Variants in GRM5 observed in about 807,000 individuals in gnomAD.
GRM5 encodes the protein metabotropic glutamate receptor 5.
A neutral mutation model predicts 83.1 loss-of-function variants in GRM5; 19 were observed. The ratio of observed to expected loss-of-function variants is 0.23; its 90% CI spans 0.16 to 0.34. The LOEUF (loss-of-function observed/expected upper bound fraction) is 0.34. Ranked by LOEUF, GRM5 falls within the 10% of genes least tolerant of loss-of-function variation. The probability of loss-of-function intolerance (pLI) is 1.00; values close to 1 mark genes in which losing one functional copy is unlikely to be tolerated. For missense variants in GRM5, 1,160 were observed against 1,588.3 expected, an observed-to-expected ratio of 0.73 and a Z score of 4.58; for synonymous variants, 675 against 633.6, an observed-to-expected ratio of 1.07 and a Z score of -0.98.
intron 3 of GRM5, among the ~76,000 whole-genome samples, chr11:88,744,564 T>C (rs1367218635): frequency 6.6e-6 from 1 of 152,126 alleles, no homozygotes; most frequent in Non-Finnish European, 1.5e-5. Flanking sequence ...ACACCCCACC[T>C]TTCAATCCCT....
Position 88,505,848 on chromosome 11 carries a change from G to A in GRM5, c.*2744C>T, listed in dbSNP as rs1941170525. ...CAGATTGTTTTGAAGGAAATTCAATGAGAATGTACCCAAATGAATTGTGAA... is the reference window on the plus strand; with the variant it reads ...CAGATTGTTTTGAAGGAAATTCAATAAGAATGTACCCAAATGAATTGTGAA... On this transcript the variant is annotated 3_prime_UTR_variant, in exon 10 of 10. Coordinates refer to ENST00000305447, the MANE Select transcript of GRM5 (RefSeq NM_001143831.3). The A allele has an allele frequency of 6.6e-6, 1 of 152,202 alleles. No homozygotes were observed. The highest frequency in any genetic ancestry group is 2.1e-4 in the South Asian group (1 of 4,832). The allele number at this position is 152,202 out of a possible 1,614,324, so 9.4% of individuals were successfully genotyped here. A position where few individuals can be genotyped will look rare whatever the true frequency, so the allele number is the denominator to read the frequency against.
chr11:88,949,719 A>G (rs529276971), intron 2 of GRM5, among the ~76,000 whole-genome samples: 1 of 152,362 alleles, frequency 6.6e-6, no homozygotes, highest in East Asian at 1.9e-4. Context: ...TGAATGCATA[A>G]AAAGTGTTAT....
intron 2 of GRM5, chr11:88,984,756 T>C (rs766664825): frequency 2.8e-5 from 20 of 724,380 alleles, no homozygotes; most frequent in Non-Finnish European, 4.6e-5. Context: ...AAGGTATTTA[T>C]TTGAATTACA....
At chr11:89,028,893 C>CCGT (rs1941193420) in intron 2 of GRM5, among the ~76,000 whole-genome samples, 1 of 152,076 alleles carries the variant, frequency 6.6e-6, no homozygotes, top group South Asian at 2.1e-4. Context: ...ACCCGTCAAC[C>CCGT]CGTCATCTAC....
At chr11:88,811,270 CATTTTGATAG>C (rs1289927883) in intron 3 of GRM5, among the ~76,000 whole-genome samples, 4 of 151,958 alleles carry the variant, frequency 2.6e-5, no homozygotes, top group Admixed American at 6.6e-5. Flanking sequence ...ATTCTGAACA[CATTTTGATAG>C]ACTTTGTGAC....
chr11:88,626,101 T>C (rs1202309701), intron 4 of GRM5, among the ~76,000 whole-genome samples: 2 of 152,178 alleles, frequency 1.3e-5, no homozygotes, highest in African/African-American at 2.4e-5. Flanking sequence ...ATTTTGTAAA[T>C]TGAGAGCAGC....
At chr11:88,936,719 G>A (rs561640733) in intron 2 of GRM5, among the ~76,000 whole-genome samples, 14 of 151,768 alleles carry the variant, frequency 9.2e-5, no homozygotes, top group African/African-American at 2.9e-4. Flanking sequence ...CATTATGAAC[G>A]TTAATAAAAA....
chr11:88,656,360 T>A (rs1220305971), intron 3 of GRM5, among the ~76,000 whole-genome samples: 1 of 152,134 alleles, frequency 6.6e-6, no homozygotes. Flanking sequence ...CAGTTGATCA[T>A]CATTATTTAC....
intron 3 of GRM5, among the ~76,000 whole-genome samples, chr11:88,834,702 G>A (rs1821311841): frequency 6.6e-6 from 1 of 152,146 alleles, no homozygotes; most frequent in South Asian, 2.1e-4. Context: ...GCATGTTTAA[G>A]CCTCATAGAA....
chr11:88,758,133 G>A (rs1942436236), intron 3 of GRM5, among the ~76,000 whole-genome samples: 1 of 152,174 alleles, frequency 6.6e-6, no homozygotes, highest in African/African-American at 2.4e-5. Flanking sequence ...CTACAAAGAT[G>A]AGAAAGAACA....
chr11:88,852,583 A>G (rs1763937831), intron 2 of GRM5, among the ~76,000 whole-genome samples: 1 of 152,108 alleles, frequency 6.6e-6, no homozygotes, highest in African/African-American at 2.4e-5. Context: ...TCCCAGAGCA[A>G]ATCCCAAGCT....
chr11:88,964,414 T>G (rs539984462), intron 2 of GRM5, among the ~76,000 whole-genome samples: 1 of 152,236 alleles, frequency 6.6e-6, no homozygotes, highest in East Asian at 1.9e-4. Context: ...AAAACTATTT[T>G]AAATTCTATA....
At chr11:88,953,072 C>T (rs1036432886) in intron 2 of GRM5, among the ~76,000 whole-genome samples, 1 of 151,992 alleles carries the variant, frequency 6.6e-6, no homozygotes, top group East Asian at 1.9e-4. Flanking sequence ...TCTGAATTAC[C>T]TTCATTTATC....
At chr11:88,891,907 C>T (rs1359128032) in intron 2 of GRM5, among the ~76,000 whole-genome samples, 3 of 151,980 alleles carry the variant, frequency 2.0e-5, no homozygotes, top group Non-Finnish European at 4.4e-5. Context: ...ATGGATTGTG[C>T]TCAGAAAGCT....
chr11:88,920,429 C>CAAA (rs1565292448), intron 2 of GRM5, among the ~76,000 whole-genome samples: 5 of 1,428 alleles, frequency 3.5e-3, no homozygotes, highest in Admixed American at 8.9e-3. Flanking sequence ...AAAAAAAAAA[C>CAAA]CAAAAAAAAA....
chr11:88,969,752 A>G (rs181797788), intron 2 of GRM5, among the ~76,000 whole-genome samples: 1 of 152,244 alleles, frequency 6.6e-6, no homozygotes, highest in Non-Finnish European at 1.5e-5. Context: ...AAAAGAAAGA[A>G]TATGTATATA....
intron 3 of GRM5, among the ~76,000 whole-genome samples, chr11:88,734,921 T>C (rs1591476406): frequency 1.3e-5 from 2 of 152,166 alleles, no homozygotes; most frequent in South Asian, 4.1e-4. Context: ...AGAGACATCA[T>C]AGATGGATTC....
intron 4 of GRM5, among the ~76,000 whole-genome samples, chr11:88,646,628 G>A (rs376064583): frequency 8.4e-5 from 12 of 142,228 alleles, no homozygotes; most frequent in Non-Finnish European, 1.9e-4. Flanking sequence ...GTGTTAGGTA[G>A]GATGGAGAAG....
At chr11:89,002,201 CA>C (rs1222953409) in intron 2 of GRM5, among the ~76,000 whole-genome samples, 1 of 151,878 alleles carries the variant, frequency 6.6e-6, no homozygotes, top group Non-Finnish European at 1.5e-5. Context: ...TGTAACATGC[CA>C]AAGTAATGGT....
Sources: gnomAD v4.1 joint callset for allele counts (sites outside exome capture counted in the v4.1 genomes callset) on GRCh38, gnomAD v4.1.1 for gene constraint, MANE v1.5 for transcripts, NCBI Gene and HGNC (gene_info 2026-07-23, HGNC 2026-07-21) for gene names.